MOXD1: variants seen among roughly 807,000 people sequenced by gnomAD.
MOXD1 encodes DBH-like monooxygenase protein 1.
MOXD1 carries 62 observed loss-of-function variants against 66.6 expected under a neutral mutation model. That is an observed-to-expected ratio of 0.93 (90% CI 0.76 to 1.15). The LOEUF is 1.15. MOXD1 is among the 50% of genes most tolerant of loss of function. The pLI is 0.00. For missense variants in MOXD1, 847 were observed against 754.6 expected (o/e 1.12, Z -1.44); for synonymous variants, 303 against 281.9 (o/e 1.07, Z -0.75).
chr6:132,316,413 T>C (rs1774960715), intron 9 of MOXD1, among the ~76,000 whole-genome samples: 1 of 152,032 alleles, frequency 6.6e-6, no homozygotes, highest in Admixed American at 6.6e-5. Context: ...TATCAGACAA[T>C]GACTTGAAAA....
chr6:132,379,754 G>T (rs1483705209), intron 1 of MOXD1, among the ~76,000 whole-genome samples: 1 of 152,078 alleles, frequency 6.6e-6, no homozygotes, highest in Non-Finnish European at 1.5e-5. Context: ...TATTTTACTT[G>T]AGTTCCTGAA....
rs1562289891 is a variant in MOXD1, at chr6:132,349,407, A to ATG, written c.664-20814_664-20813insCA. ...TATATATATATACACATATATATAC[A>ATG]TATATATATATATACATATATATAT... On this transcript the variant is annotated intron_variant, in intron 4 of 11. Coordinates refer to ENST00000367963, the MANE Select transcript of MOXD1 (RefSeq NM_015529.4). 8.7e-4 allele frequency among the ~76,000 whole-genome samples: 11 copies of ATG among 12,698 alleles called. 1 individual carries two copies. Among genetic ancestry groups the ATG allele is most frequent in the African/African-American group, 1.3e-3 (3 of 2,224 alleles). The allele number at this position is 12,698 out of a possible 152,430, so 8.3% of individuals were successfully genotyped here.
rs143863918 is a variant in MOXD1, at chr6:132,332,058, C to T, written c.664-3464G>A. 1.7e-3 allele frequency among the ~76,000 whole-genome samples: 256 copies of T among 152,294 alleles called. 1 individual carries two copies. Among genetic ancestry groups the T allele is most frequent in the African/African-American group, 5.8e-3 (240 of 41,560 alleles). Reference sequence around the variant, plus strand: ...GGGGAGGGGGCTCATGGCCTCCCTGCCACTCCAGTCCCAGTGCCCCTTGGC... The same window carrying T: ...GGGGAGGGGGCTCATGGCCTCCCTGTCACTCCAGTCCCAGTGCCCCTTGGC... On this transcript the variant is annotated intron_variant, in intron 4 of 11. Transcript: ENST00000367963.
chr6:132,393,069 C>A (rs1262236084), intron 1 of MOXD1, among the ~76,000 whole-genome samples: 2 of 152,024 alleles, frequency 1.3e-5, no homozygotes, highest in African/African-American at 4.8e-5. Flanking sequence ...TTTCAGAAGT[C>A]TTTTTCTAGG....
At chr6:132,300,372 T>C (rs1774505219) in intron 10 of MOXD1, among the ~76,000 whole-genome samples, 1 of 152,214 alleles carries the variant, frequency 6.6e-6, no homozygotes, top group Non-Finnish European at 1.5e-5. Context: ...CACTAAAAGC[T>C]ACAGCTATTG....
intron 1 of MOXD1, among the ~76,000 whole-genome samples, chr6:132,398,845 A>C (rs1488915211): frequency 6.7e-6 from 1 of 150,372 alleles, no homozygotes; most frequent in Non-Finnish European, 1.5e-5. Flanking sequence ...AGGCTGAGGC[A>C]CGAGAATCAC....
In MOXD1 at chr6:132,321,149, C is replaced by G. The variant is rs181359772; in HGVS notation, c.1306-461G>C. 1.8e-4 allele frequency among the ~76,000 whole-genome samples: 27 copies of G among 152,030 alleles called. No individual in the cohort carries two copies. The East Asian group carries it at 2.3e-3, about 13-fold the overall frequency. On this transcript the variant is annotated intron_variant, in intron 8 of 11. Coordinates refer to ENST00000367963, the MANE Select transcript of MOXD1 (RefSeq NM_015529.4). ...GCGTGGTTGCGGGCACCTTTAATTCCAGCTTCTCAGGAAGCTGAGGCAGAG... is the reference window on the plus strand; with the variant it reads ...GCGTGGTTGCGGGCACCTTTAATTCGAGCTTCTCAGGAAGCTGAGGCAGAG...
chr6:132,375,012 G>C (rs1776349439), intron 1 of MOXD1: 1 of 566,640 alleles, frequency 1.8e-6, no homozygotes, highest in Non-Finnish European at 3.1e-6. Context: ...AGAGCATCAA[G>C]AGATGGAATG....
In MOXD1 at chr6:132,315,634, C is replaced by A; in HGVS notation, c.1508+1G>T. 1 of 1,606,900 alleles carries A rather than the reference C, an allele frequency of 6.2e-7. No individual in the cohort carries two copies. The highest frequency in any genetic ancestry group is 8.5e-7 in the Non-Finnish European group (1 of 1,177,772). On this transcript the variant is annotated splice_donor_variant, in intron 10 of 11. Transcript: ENST00000367963. LOFTEE classifies it high-confidence loss of function. The stretch of plus-strand genomic sequence containing the variant: ...CATCATAAAATACATTTACTACTTA[C>A]GTGACTGGTCTGTAGATCTCCTTAA...
chr6:132,301,018 T>G lies in MOXD1; in HGVS notation c.1509-3063A>C, dbSNP rs1364584230. ...AAAGTGAATATTTATCCTGAATACT[T>G]TTTTTCAAAAAGACTAAGCTTTAAA... On this transcript the variant is annotated intron_variant, in intron 10 of 11. Coordinates refer to ENST00000367963, the MANE Select transcript of MOXD1 (RefSeq NM_015529.4). Among the ~76,000 whole-genome samples, 11 of 151,764 alleles carry G rather than the reference T, an allele frequency of 7.2e-5. No individual in the cohort carries two copies. The East Asian group carries it at 2.3e-3, about 32-fold the overall frequency.
intron 1 of MOXD1, among the ~76,000 whole-genome samples, chr6:132,385,996 G>C (rs1418429347): frequency 6.6e-6 from 1 of 150,718 alleles, no homozygotes; most frequent in Non-Finnish European, 1.5e-5. Flanking sequence ...CCAGCTACTC[G>C]GGAGGCTGCG....
intron 1 of MOXD1, among the ~76,000 whole-genome samples, chr6:132,385,932 T>C (rs1776623371): frequency 4.7e-5 from 7 of 149,624 alleles, no homozygotes; most frequent in Admixed American, 4.7e-4. Flanking sequence ...TTAAACCCTA[T>C]CTCTACTAAA....
chr6:132,335,293 C>G (rs200350322), intron 4 of MOXD1, among the ~76,000 whole-genome samples: 1 of 145,314 alleles, frequency 6.9e-6, no homozygotes, highest in Admixed American at 7.1e-5. Flanking sequence ...TTTTTTTTTG[C>G]TTTATTTCCC....
Position 132,348,550 on chromosome 6 carries a change from T to G in MOXD1, c.664-19956A>C, listed in dbSNP as rs188497455. ...TAAAATAACTTTTGCAATTAATACT[T>G]TTTGTCAGAGTTTAAATATTCTCAG... On this transcript the variant is annotated intron_variant, in intron 4 of 11. Transcript: ENST00000367963. 3.9e-3 allele frequency among the ~76,000 whole-genome samples: 599 copies of G among 152,316 alleles called. 5 individuals carry two copies. Among genetic ancestry groups the G allele is most frequent in the Middle Eastern group, 0.024 (7 of 294 alleles).
intron 9 of MOXD1, among the ~76,000 whole-genome samples, chr6:132,319,648 C>G (rs1181501024): frequency 1.3e-5 from 2 of 151,422 alleles, no homozygotes; most frequent in Non-Finnish European, 2.9e-5. Flanking sequence ...TCTTTCTGAT[C>G]CTTATATCTC....
intron 10 of MOXD1, among the ~76,000 whole-genome samples, chr6:132,312,906 G>A (rs1007984936): frequency 4.6e-5 from 7 of 151,412 alleles, no homozygotes; most frequent in Non-Finnish European, 7.4e-5. Flanking sequence ...ATTAACCATC[G>A]ATTAGAAAAT....
chr6:132,340,643 T>C (rs938468890), intron 4 of MOXD1, among the ~76,000 whole-genome samples: 21,179 of 118,672 alleles, frequency 0.18, 2,661 homozygotes, highest in African/African-American at 0.26. Context: ...GACTCATTTT[T>C]TTTTTTTTTT....
intron 4 of MOXD1, among the ~76,000 whole-genome samples, chr6:132,349,427 A>G (rs1183425895): frequency 2.7e-5 from 2 of 73,682 alleles, no homozygotes; most frequent in African/African-American, 9.8e-5. Context: ...ATATACATAT[A>G]TATATATACA....
At position 132,308,855 on chromosome 6, in the gene MOXD1, T is replaced by C. The variant is rs115686806; in HGVS notation, c.1508+6780A>G. 3.0e-3 allele frequency among the ~76,000 whole-genome samples: 452 copies of C among 152,276 alleles called. 1 individual carries two copies. Among genetic ancestry groups the C allele is most frequent in the African/African-American group, 0.01 (436 of 41,560 alleles). ...TTGAAAACTCTCAATAAACAAGGTA[T>C]TGATGGAAATATCTCAAAATAATAA... On this transcript the variant is annotated intron_variant, in intron 10 of 11. Coordinates refer to ENST00000367963, the MANE Select transcript of MOXD1 (RefSeq NM_015529.4).
Sources: allele counts gnomAD v4.1 joint callset (sites outside exome capture counted in the v4.1 genomes callset), GRCh38; gene constraint gnomAD v4.1.1; transcripts MANE v1.5; gene names NCBI Gene and HGNC (gene_info 2026-07-23, HGNC 2026-07-21).